The following PCDH15 variants were observed in gnomAD, a reference collection of about 807,000 sequenced individuals.
PCDH15 encodes protocadherin-15.
A neutral mutation model predicts 178.5 loss-of-function variants in PCDH15; 129 were observed. That is an observed-to-expected ratio of 0.72 (90% CI 0.63 to 0.84). The LOEUF is 0.84. PCDH15 is among the 40% of genes least tolerant of loss of function. The pLI, the probability that PCDH15 is intolerant of heterozygous loss-of-function variation, is 0.00. For synonymous variants in PCDH15, 800 were observed against 732.0 expected (o/e 1.09, Z -1.50); for missense variants, 2,230 against 2,099.9 (o/e 1.06, Z -1.21).
chr10:55,426,423 G>A lies in PCDH15; in HGVS notation c.-156+201202C>T, dbSNP rs1156429098. Among the ~76,000 whole-genome samples, 5 of 152,164 alleles carry A rather than the reference G, an allele frequency of 3.3e-5. 1 individual carries two copies. The highest frequency in any genetic ancestry group is 5.9e-5 in the Non-Finnish European group (4 of 68,036). Reference sequence around the variant, plus strand: ...ACCCCTCATGGAAGGGGTCACTCAGGTGAGCAGGTACAGGAGCAGGCAGAA... The same window carrying A: ...ACCCCTCATGGAAGGGGTCACTCAGATGAGCAGGTACAGGAGCAGGCAGAA... On this transcript the variant is annotated intron_variant, in intron 2 of 5. Transcript: ENST00000613346.
chr10:53,985,219 C>T (rs2091009854), intron 21 of PCDH15, among the ~76,000 whole-genome samples: 1 of 151,916 alleles, frequency 6.6e-6, no homozygotes, highest in Non-Finnish European at 1.5e-5. Context: ...AAAAAAAAAA[C>T]TTTATATAAT....
chr10:53,858,821 A>T (rs1206735309), intron 27 of PCDH15, among the ~76,000 whole-genome samples: 1 of 152,162 alleles, frequency 6.6e-6, no homozygotes, highest in Non-Finnish European at 1.5e-5. Context: ...GAAAGGGATC[A>T]TTACAGTTTT....
chr10:55,044,581 G>A (rs1840950587), intron 2 of PCDH15, among the ~76,000 whole-genome samples: 1 of 151,996 alleles, frequency 6.6e-6, no homozygotes, highest in African/African-American at 2.4e-5. Flanking sequence ...TAGACTCAAA[G>A]CCAATGTAAA....
At chr10:54,832,680 AT>A (rs1379816013) in intron 3 of PCDH15, among the ~76,000 whole-genome samples, 4 of 152,334 alleles carry the variant, frequency 2.6e-5, no homozygotes, top group African/African-American at 9.6e-5. Context: ...ACACAATACA[AT>A]ATGGATGGTT....
chr10:55,544,135 C>CTT (rs1554795181), intron 2 of PCDH15, among the ~76,000 whole-genome samples: 1 of 96,228 alleles, frequency 1.0e-5, no homozygotes, highest in Non-Finnish European at 2.1e-5. Context: ...AAATCTTATA[C>CTT]ATACATATAT....
chr10:54,557,585 A>T (rs990449472), intron 2 of PCDH15, among the ~76,000 whole-genome samples: 1 of 152,178 alleles, frequency 6.6e-6, no homozygotes, highest in African/African-American at 2.4e-5. Flanking sequence ...AACACTGAAC[A>T]ATTTCAGTGA....
chr10:54,219,808 T>A (rs1035271888), intron 9 of PCDH15, among the ~76,000 whole-genome samples: 3 of 152,002 alleles, frequency 2.0e-5, no homozygotes, highest in Non-Finnish European at 4.4e-5. Context: ...TTATACTTTT[T>A]ATTTGTGCTA....
intron 1 of PCDH15, among the ~76,000 whole-genome samples, chr10:55,250,366 C>G (rs1297748349): frequency 1.3e-5 from 2 of 151,254 alleles, no homozygotes; most frequent in African/African-American, 4.9e-5. Context: ...TGGCTGGTCC[C>G]AAACTCCTGG....
rs758921360 is a variant in PCDH15, at chr10:53,840,319, C to A, written c.3983+1G>T. 1.9e-6 allele frequency: 3 copies of A among 1,613,950 alleles called. No homozygotes were observed. Among genetic ancestry groups the A allele is most frequent in the Non-Finnish European group, 2.5e-6 (3 of 1,179,810 alleles). On this transcript the variant is annotated splice_donor_variant, in intron 29 of 37. Transcript: ENST00000644397. LOFTEE classifies it high-confidence loss of function. The stretch of plus-strand genomic sequence containing the variant: ...TGTTACAGATAACAAAAAGCACTTA[C>A]TTAAAAAGCTCATTTCTATCGATGG...
At chr10:53,946,142 A>C (rs2134130509) in intron 23 of PCDH15, among the ~76,000 whole-genome samples, 1 of 152,254 alleles carries the variant, frequency 6.6e-6, no homozygotes, top group Admixed American at 6.5e-5. Flanking sequence ...CCTCACATCT[A>C]TTAGAGTAAC....
At position 53,866,877 on chromosome 10, in the gene PCDH15, A is replaced by AG. The variant is rs1489913831; in HGVS notation, c.3502-21_3502-20insC. 1 of 1,524,470 alleles carries AG rather than the reference A, an allele frequency of 6.6e-7. No individual in the cohort carries two copies. Among genetic ancestry groups the AG allele is most frequent in the African/African-American group, 1.4e-5 (1 of 73,004 alleles). The allele number at this position is 1,524,470 out of a possible 1,614,324, so 94.4% of individuals were successfully genotyped here. A position where few individuals can be genotyped will look rare whatever the true frequency, so the allele number is the denominator to read the frequency against. ...AGTAGCCTAGACGGAGGGGAAAAAAAAAGAGATTATAATTAAGCAGGAAAA... is the reference window on the plus strand; with the variant it reads ...AGTAGCCTAGACGGAGGGGAAAAAAAGAAGAGATTATAATTAAGCAGGAAAA... On this transcript the variant is annotated intron_variant, in intron 26 of 37. Transcript: ENST00000644397.
At chr10:55,087,380 T>C (rs1842198358) in intron 2 of PCDH15, among the ~76,000 whole-genome samples, 1 of 152,190 alleles carries the variant, frequency 6.6e-6, no homozygotes, top group Non-Finnish European at 1.5e-5. Context: ...GAATACATAC[T>C]AATAAGGAAA....
chr10:54,393,852 A>T (rs1312211131), intron 3 of PCDH15, among the ~76,000 whole-genome samples: 1 of 152,148 alleles, frequency 6.6e-6, no homozygotes, highest in East Asian at 1.9e-4. Flanking sequence ...ATAGCTAATA[A>T]TGCACATGTC....
At chr10:53,820,275 C>G in intron 32 of PCDH15, 45 bp from the exon 33 acceptor site, 1 of 397,146 alleles carries the variant, frequency 2.5e-6, no homozygotes, top group Non-Finnish European at 4.4e-6. Flanking sequence ...CGTTCAAGAA[C>G]CCCAAGAAAG....
chr10:54,046,804 A>T (rs1437827926), intron 18 of PCDH15, among the ~76,000 whole-genome samples: 1 of 151,960 alleles, frequency 6.6e-6, no homozygotes, highest in East Asian at 1.9e-4. Context: ...TGTGTATTAC[A>T]TTTTTTTTCT....
chr10:55,594,760 C>T (rs1337685293), intron 2 of PCDH15, among the ~76,000 whole-genome samples: 1 of 151,994 alleles, frequency 6.6e-6, no homozygotes, highest in Non-Finnish European at 1.5e-5. Context: ...AATCAATTCA[C>T]TCTCTTATTT....
rs2045779571 is a variant in PCDH15 at position 54,162,171 on chromosome 10, G to A, written c.1591-8878C>T. Among the ~76,000 whole-genome samples, 3 of 151,810 alleles carry A rather than the reference G, an allele frequency of 2.0e-5. No individual in the cohort carries two copies. The South Asian group carries it at 6.2e-4, about 32-fold the overall frequency. On this transcript the variant is annotated intron_variant, in intron 13 of 37. Coordinates refer to ENST00000644397, the MANE Select transcript of PCDH15 (RefSeq NM_001384140.1). ...TTGTTCATGTATTGTTTCATCATTT[G>A]AGTAACTTTCTTCCTTCTTCCTGCC... is the stretch of plus-strand genomic sequence containing the variant.
chr10:54,632,541 TG>T (rs1281180041), intron 2 of PCDH15, among the ~76,000 whole-genome samples: 1 of 152,168 alleles, frequency 6.6e-6, no homozygotes, highest in Non-Finnish European at 1.5e-5. Context: ...TGTATTACCT[TG>T]GCAACATTTC....
At chr10:54,641,091 C>T in intron 2 of PCDH15, 1 of 278,740 alleles carries the variant, frequency 3.6e-6, no homozygotes, top group South Asian at 3.0e-5. Context: ...GCGATAGAGC[C>T]ATTTCTGTCT....
Sources: allele counts gnomAD v4.1 joint callset (sites outside exome capture counted in the v4.1 genomes callset), GRCh38; gene constraint gnomAD v4.1.1; transcripts MANE v1.5; gene names NCBI Gene and HGNC (gene_info 2026-07-23, HGNC 2026-07-21).